AIFM3: variants seen among roughly 807,000 people sequenced by gnomAD.
AIFM3 encodes apoptosis-inducing factor 3.
A neutral mutation model predicts 82.7 loss-of-function variants in AIFM3; 71 were observed. The observed-to-expected ratio is 0.86, with a 90% CI of 0.71 to 1.05. The LOEUF (loss-of-function observed/expected upper bound fraction) is 1.05, where lower values mean the gene tolerates loss of function less well. Among genes scored for constraint, AIFM3 ranks in the 50% least tolerant of loss-of-function variants. The pLI is 0.00. For synonymous variants in AIFM3, 337 were observed against 329.1 expected (o/e 1.02, Z -0.26); for missense variants, 748 against 816.7 (o/e 0.92, Z 1.03).
intron 9 of AIFM3, 114 bp downstream of exon 9, chr22:20,975,892 G>A: frequency 8.3e-7 from 1 of 1,198,866 alleles, no homozygotes; most frequent in Non-Finnish European, 1.2e-6. Flanking sequence ...CACAGCCCAG[G>A]CACCTGGGAG....
chr22:20,973,174 G>A (rs907210067), intron 2 of AIFM3, 133 bp from the exon 3 acceptor site: 5 of 1,023,288 alleles, frequency 4.9e-6, no homozygotes, highest in Admixed American at 4.3e-5. Context: ...GTGGTGCAGA[G>A]GGAATTCTGG....
At chr22:20,974,466 T>G in intron 6 of AIFM3, 59 bp from the exon 7 acceptor site, 1 of 1,578,880 alleles carries the variant, frequency 6.3e-7, no homozygotes, top group Non-Finnish European at 8.6e-7. Flanking sequence ...AGGACCTGCC[T>G]GCCAGGATGA....
intron 19 of AIFM3, chr22:20,980,466 T>G: frequency 1.7e-6 from 1 of 598,610 alleles, no homozygotes; most frequent in South Asian, 2.0e-5. Flanking sequence ...AGGTGGGAAA[T>G]GCAGCTACTG....
At chr22:20,977,010 T>C (rs369765956) in intron 13 of AIFM3, 22 bp from the exon 14 acceptor site, 6 of 1,614,032 alleles carry the variant, frequency 3.7e-6, no homozygotes, top group Non-Finnish European at 3.4e-6. Context: ...GGTCCACCTG[T>C]TTATCCACCC....
At chr22:20,968,117 C>T in intron 2 of AIFM3, 142 bp downstream of exon 2, 1 of 875,596 alleles carries the variant, frequency 1.1e-6, no homozygotes, top group Non-Finnish European at 1.8e-6. Context: ...TGTTAATACG[C>T]TGCCGCCAGG....
At position 20,974,362 on chromosome 22, in the gene AIFM3, G is replaced by A. The variant is rs375815035; in HGVS notation, c.510+66G>A. The A allele has an allele frequency of 1.2e-5, 19 of 1,591,612 alleles. No homozygotes were observed. The African/African-American group carries it at 2.5e-4, about 21-fold the overall frequency. On this transcript the variant is annotated intron_variant, in intron 6 of 20. Transcript: ENST00000440238. ...GGGAGGGCATCTTGGCCCAGAGAAT[G>A]CCATGTGCAAAGCCCTGTGGTGGGA...
chr22:20,977,308 C>T, intron 14 of AIFM3: 1 of 647,424 alleles, frequency 1.5e-6, no homozygotes, highest in Non-Finnish European at 2.7e-6. Context: ...CTCCCAGTGC[C>T]CGCTGCCCAG....
intron 8 of AIFM3, among the ~76,000 whole-genome samples, chr22:20,975,108 G>T (rs1255206565): frequency 1.3e-5 from 2 of 152,148 alleles, no homozygotes; most frequent in Non-Finnish European, 2.9e-5. Context: ...GATTACAGGT[G>T]TGCACCACCA....
At chr22:20,975,355 T>A (rs1192013374) in intron 8 of AIFM3, among the ~76,000 whole-genome samples, 1 of 151,546 alleles carries the variant, frequency 6.6e-6, no homozygotes, top group Admixed American at 6.6e-5. Flanking sequence ...GACCTCCACC[T>A]CCCGGGCTCA....
At position 20,976,958 on chromosome 22, in the gene AIFM3, C is replaced by T. The variant is rs1258423073; in HGVS notation, c.1218+20C>T. ...GGAAAGGTGGGCCCTTCTCCCTTCTCCCTGCTGCTTTCTGTCCTCTGTCCC... is the reference window on the plus strand; with the variant it reads ...GGAAAGGTGGGCCCTTCTCCCTTCTTCCTGCTGCTTTCTGTCCTCTGTCCC... On this transcript the variant is annotated intron_variant, in intron 13 of 20. Transcript: ENST00000440238. The T allele has an allele frequency of 6.2e-7, 1 of 1,613,382 alleles. No individual in the cohort carries two copies.
At chr22:20,972,549 G>A (rs1454487445) in intron 2 of AIFM3, among the ~76,000 whole-genome samples, 1 of 152,088 alleles carries the variant, frequency 6.6e-6, no homozygotes, top group Non-Finnish European at 1.5e-5. Flanking sequence ...CAGATTCACT[G>A]GCTGGGAACT....
intron 14 of AIFM3, 167 bp downstream of exon 14, chr22:20,977,262 T>G: frequency 1.0e-6 from 1 of 980,438 alleles, no homozygotes; most frequent in Non-Finnish European, 1.5e-6. Flanking sequence ...GGGGAAGGTA[T>G]GTACTGGGCT....
intron 8 of AIFM3, among the ~76,000 whole-genome samples, chr22:20,975,338 C>T (rs915815695): frequency 1.3e-5 from 2 of 152,000 alleles, no homozygotes; most frequent in African/African-American, 4.8e-5. Flanking sequence ...CGGCTCACTG[C>T]AGCGTCGACC....
rs912396661 is a variant in AIFM3, at chr22:20,979,583, C to T, written c.1577-44C>T. ...AGGGGATCCTGTGACGTCTCGTTCCCTCCCCCGGCTCACGTGGGTGCCACC... is the reference window on the plus strand; with the variant it reads ...AGGGGATCCTGTGACGTCTCGTTCCTTCCCCCGGCTCACGTGGGTGCCACC... On this transcript the variant is annotated intron_variant, in intron 17 of 20. Coordinates refer to ENST00000440238, the MANE Select transcript of AIFM3 (RefSeq NM_001386814.1). The T allele has an allele frequency of 6.8e-6, 11 of 1,610,520 alleles. 1 individual carries two copies. Among genetic ancestry groups the T allele is most frequent in the Non-Finnish European group, 8.5e-6 (10 of 1,177,142 alleles).
Position 20,975,774 on chromosome 22 carries a change from C to T in AIFM3, c.803C>T (p.Ala268Val). Residue 268 changes from alanine (A) to valine (V), a missense_variant, in exon 9 of 21, where the codon GCT (alanine) becomes GTT (valine). By Grantham distance (64) the Ala-to-Val change is moderately conservative. Transcript: ENST00000440238. Reference protein sequence around the residue: ...RAYGIEVLTEAQVVTVDVRTK... With the variant: ...RAYGIEVLTEVQVVTVDVRTK... Reference sequence around the variant, plus strand: ...TATGGCATCGAGGTGCTCACCGAGGCTCAGGTACAGGGTCAAGGGTGGGAA... The same window carrying T: ...TATGGCATCGAGGTGCTCACCGAGGTTCAGGTACAGGGTCAAGGGTGGGAA... The T allele has an allele frequency of 6.2e-7, 1 of 1,612,348 alleles. No individual in the cohort carries two copies. Among genetic ancestry groups the T allele is most frequent in the Non-Finnish European group, 8.5e-7 (1 of 1,179,956 alleles).
intron 8 of AIFM3, 54 bp from the exon 9 acceptor site, chr22:20,975,638 C>G: frequency 6.4e-7 from 1 of 1,573,716 alleles, no homozygotes; most frequent in Non-Finnish European, 8.7e-7. Context: ...CTTCCCTGGG[C>G]CCCAGTGTCT....
rs759624464 is a variant in AIFM3 at position 20,973,465 on chromosome 22, C to A, written c.190C>A (p.Pro64Thr). The change falls in exon 3 of 21, where the codon CCT becomes ACT. Residue 64 changes from proline (P) to threonine (T), a missense_variant. Physicochemically the swap from Pro to Thr is conservative, Grantham distance 38 (BLOSUM62 -1). Transcript: ENST00000440238. ...RLSTPHPYPSPQDCVEAAVCH... is the reference protein window; with the variant it reads ...RLSTPHPYPSTQDCVEAAVCH... ...GTCCACCCCTCACCCCTACCCCAGC[C>A]CTCAGGATTGCGTGGAGGCTGCTGT... 1 of 1,613,206 alleles carries A rather than the reference C, an allele frequency of 6.2e-7. No individual in the cohort carries two copies. The highest frequency in any genetic ancestry group is 8.5e-7 in the Non-Finnish European group (1 of 1,180,006).
rs1323502565 is a variant in AIFM3 at position 20,977,984 on chromosome 22, T to C, written c.1456T>C (p.Trp486Arg). The C allele has an allele frequency of 1.3e-5, 21 of 1,614,008 alleles. No homozygotes were observed. In the Admixed American group the frequency reaches 2.0e-4, roughly 15 times the overall value. ...RNNRKVNIPH[W>R]QMAHAQGRVA... ...CAACCGCAAAGTGAACATTCCACAT[T>C]GGCAGATGGCTCATGCTCAGGGTAT... The change falls in exon 16 of 21, where the codon TGG becomes CGG. Residue 486 changes from tryptophan (W) to arginine (R), a missense_variant. Around this residue, in one of 5 missense-constraint regions of AIFM3, gnomAD observed 393 missense variants for 481.1 expected, o/e 0.82. Coordinates refer to ENST00000440238, the MANE Select transcript of AIFM3 (RefSeq NM_001386814.1).
At chr22:20,973,126 G>A (rs178262) in intron 2 of AIFM3, among the ~76,000 whole-genome samples, 181 bp from the exon 3 acceptor site, 22,967 of 152,010 alleles carry the variant, frequency 0.15, 2,003 homozygotes, top group East Asian at 0.42. Context: ...ATGCCCCTCC[G>A]CTGCTTCGTG....
Sources: allele counts gnomAD v4.1 joint callset (sites outside exome capture counted in the v4.1 genomes callset), GRCh38; gene constraint gnomAD v4.1.1; regional missense constraint gnomAD v4.1.1; transcripts MANE v1.5; gene names NCBI Gene and HGNC (gene_info 2026-07-23, HGNC 2026-07-21).